RNF149: variants seen among roughly 807,000 people sequenced by gnomAD.
RNF149 encodes E3 ubiquitin-protein ligase RNF149.
RNF149 carries 21 observed loss-of-function variants against 39.0 expected under a neutral mutation model. That is an observed-to-expected ratio of 0.54 (90% CI 0.38 to 0.77). The LOEUF (loss-of-function observed/expected upper bound fraction) is 0.77. Ranked by LOEUF, RNF149 falls within the 30% of genes least tolerant of loss-of-function variation. The pLI, the probability that RNF149 is intolerant of heterozygous loss-of-function variation, is 0.00. For synonymous variants in RNF149, 209 were observed against 213.6 expected, an observed-to-expected ratio of 0.98 and a Z score of 0.19; for missense variants, 493 against 534.9, an observed-to-expected ratio of 0.92 and a Z score of 0.77.
chr2:101,282,717 T>A (rs187427770), intron 5 of RNF149, among the ~76,000 whole-genome samples: 1 of 152,264 alleles, frequency 6.6e-6, no homozygotes, highest in Non-Finnish European at 1.5e-5. Context: ...TGGATGGAAC[T>A]CCTGGTAAAG....
At chr2:101,294,897 T>C (rs767744892) in intron 2 of RNF149, 34 bp downstream of exon 2, 2 of 1,569,094 alleles carry the variant, frequency 1.3e-6, no homozygotes, top group South Asian at 1.1e-5. Context: ...GAATTATCTT[T>C]TAAAAAGCAA....
At chr2:101,300,816 C>A (rs1232876777) in intron 1 of RNF149, among the ~76,000 whole-genome samples, 1 of 152,202 alleles carries the variant, frequency 6.6e-6, no homozygotes, top group Non-Finnish European at 1.5e-5. Flanking sequence ...AGGGGATGAA[C>A]TGGAGGCAGG....
rs146737017 is a variant in RNF149 at position 101,299,075 on chromosome 2, C to T, written c.461-3894G>A. 6.2e-3 allele frequency among the ~76,000 whole-genome samples: 951 copies of T among 152,224 alleles called. 3 individuals are homozygous for T. The highest frequency in any genetic ancestry group is 0.022 in the African/African-American group (908 of 41,538). On this transcript the variant is annotated intron_variant, in intron 1 of 6. Transcript: ENST00000295317. ...TGGAGGCTGAGGCAGAAGAATTGCT[C>T]GAACCCAGAGTTGGAGGTTGCAGTG... is the stretch of plus-strand genomic sequence containing the variant.
intron 1 of RNF149, 53 bp downstream of exon 1, chr2:101,308,076 A>G (rs1683747149): frequency 6.3e-7 from 1 of 1,582,330 alleles, no homozygotes; most frequent in African/African-American, 1.4e-5. Context: ...TGAAGACCCC[A>G]GCCTCGGCTG....
chr2:101,297,237 C>G (rs1683267021), intron 1 of RNF149, among the ~76,000 whole-genome samples: 1 of 150,206 alleles, frequency 6.7e-6, no homozygotes, highest in Non-Finnish European at 1.5e-5. Flanking sequence ...GGCAAATGGT[C>G]AACTTGGAAA....
downstream of RNF149, chr2:101,273,241 C>A: frequency 1.4e-6 from 1 of 720,556 alleles, no homozygotes; most frequent in Non-Finnish European, 2.2e-6. Context: ...AGGCAGGGGG[C>A]TGCGGAGAGC....
intron 3 of RNF149, among the ~76,000 whole-genome samples, chr2:101,291,498 G>T (rs1385938931): frequency 6.6e-6 from 1 of 151,200 alleles, no homozygotes; most frequent in Non-Finnish European, 1.5e-5. Flanking sequence ...GCCCAGGCTG[G>T]TTTTGAACTC....
chr2:101,291,450 ATTT>A (rs879864110), intron 3 of RNF149, among the ~76,000 whole-genome samples: 1 of 138,058 alleles, frequency 7.2e-6, no homozygotes, highest in Non-Finnish European at 1.6e-5. Flanking sequence ...CGCCCAGCCT[ATTT>A]TTTTTTTTTT....
downstream of RNF149, chr2:101,273,027 T>C (rs764677153): frequency 2.2e-6 from 3 of 1,353,238 alleles, no homozygotes; most frequent in Non-Finnish European, 2.9e-6. Context: ...CAATTCGGCC[T>C]TTTCTTGTCA....
rs556732195 is a variant in RNF149, at chr2:101,297,122, T to C, written c.461-1941A>G. On this transcript the variant is annotated intron_variant, in intron 1 of 6. Coordinates refer to ENST00000295317, the MANE Select transcript of RNF149 (RefSeq NM_173647.4). ...TACTCAGGAGACAGAGATAGGAGAA[T>C]TGCTTGAACCCAGGAGGCAGAGGCT... Among the ~76,000 whole-genome samples, 5 of 152,172 alleles carry C rather than the reference T, an allele frequency of 3.3e-5. No individual in the cohort carries two copies. In the East Asian group the frequency reaches 9.7e-4, roughly 29 times the overall value.
intron 3 of RNF149, among the ~76,000 whole-genome samples, chr2:101,291,597 A>G (rs986667590): frequency 1.3e-5 from 2 of 152,154 alleles, no homozygotes; most frequent in Admixed American, 6.5e-5. Context: ...TTGATTTTAT[A>G]TGTAGATATT....
At chr2:101,278,303 C>T (rs1025344632) in intron 6 of RNF149, among the ~76,000 whole-genome samples, 14 of 151,942 alleles carry the variant, frequency 9.2e-5, no homozygotes, top group South Asian at 4.1e-4. Context: ...AGTAGGCACA[C>T]GCCACCACGC....
intron 3 of RNF149, among the ~76,000 whole-genome samples, chr2:101,290,261 C>T (rs1029395963): frequency 1.3e-5 from 2 of 152,192 alleles, no homozygotes; most frequent in African/African-American, 4.8e-5. Context: ...ATTTATCATA[C>T]ACAGGGCAAG....
At chr2:101,293,379 C>T (rs1483290907) in intron 3 of RNF149, among the ~76,000 whole-genome samples, 1 of 152,112 alleles carries the variant, frequency 6.6e-6, no homozygotes, top group Middle Eastern at 3.2e-3. Context: ...ACCAGAAGAA[C>T]TAGGAAAAGA....
chr2:101,303,262 C>T (rs1483323138), intron 1 of RNF149, among the ~76,000 whole-genome samples: 1 of 148,966 alleles, frequency 6.7e-6, no homozygotes, highest in Non-Finnish European at 1.5e-5. Context: ...ACTACAGACA[C>T]TTGCCTCAAC....
intron 1 of RNF149, among the ~76,000 whole-genome samples, chr2:101,306,700 T>C (rs1281360554): frequency 6.6e-6 from 1 of 152,204 alleles, no homozygotes; most frequent in Non-Finnish European, 1.5e-5. Context: ...TGCCCATTCC[T>C]CTGCATCTCC....
At chr2:101,289,505 G>GAC (rs1682925144) in intron 3 of RNF149, among the ~76,000 whole-genome samples, 1 of 152,072 alleles carries the variant, frequency 6.6e-6, no homozygotes, top group East Asian at 1.9e-4. Context: ...AGGAGATTGA[G>GAC]ACCATCCTGG....
chr2:101,288,989 TA>T lies in RNF149; in HGVS notation c.846del (p.Arg283GlufsTer35). The T allele has an allele frequency of 1.3e-6, 2 of 1,557,776 alleles. No individual in the cohort carries two copies. Among genetic ancestry groups the T allele is most frequent in the Non-Finnish European group, 1.8e-6 (2 of 1,130,920 alleles). On this transcript the variant is annotated frameshift_variant, in exon 4 of 7. Coordinates refer to ENST00000295317, the MANE Select transcript of RNF149 (RefSeq NM_173647.4). LOFTEE classifies it high-confidence loss of function. ...AGAACATACTTGCATGGCAGAATTCTAATAATATCCTTTACTTTGAAATTTT... is the reference window on the plus strand; with the variant it reads ...AGAACATACTTGCATGGCAGAATTCTATAATATCCTTTACTTTGAAATTTT... The part of the protein sequence containing the change: ...CIENFKVKDI[I>X]RILPCKHIFH...
chr2:101,298,954 A>G (rs1009245359), intron 1 of RNF149, among the ~76,000 whole-genome samples: 1 of 152,234 alleles, frequency 6.6e-6, no homozygotes, highest in Non-Finnish European at 1.5e-5. Context: ...ATTTGAGACC[A>G]GCCTGGCCAA....
Sources: gnomAD v4.1 joint callset for allele counts (sites outside exome capture counted in the v4.1 genomes callset) on GRCh38, gnomAD v4.1.1 for gene constraint, MANE v1.5 for transcripts, NCBI Gene and HGNC (gene_info 2026-07-23, HGNC 2026-07-21) for gene names.